CREBRF: variants seen among roughly 807,000 people sequenced by gnomAD.
The protein encoded by CREBRF is UPF0474 protein C5orf41.
Under a neutral mutation model 66.1 loss-of-function variants are expected in CREBRF, and 5 were observed. The ratio of observed to expected loss-of-function variants is 0.08; its 90% CI spans 0.04 to 0.16. The LOEUF (loss-of-function observed/expected upper bound fraction) is 0.16, where lower values mean the gene tolerates loss of function less well. Ranked by LOEUF, CREBRF falls within the 10% of genes least tolerant of loss-of-function variation. The pLI is 1.00. For synonymous variants in CREBRF, 229 were observed against 264.4 expected (o/e 0.87, Z 1.30); for missense variants, 531 against 744.9 (o/e 0.71, Z 3.34).
chr5:173,118,804 T>C (rs996899335), intron 7 of CREBRF, among the ~76,000 whole-genome samples: 6 of 149,738 alleles, frequency 4.0e-5, no homozygotes, highest in African/African-American at 1.5e-4. Context: ...CTTTGGGAGG[T>C]CAATTGGGAG....
rs767067188 is a variant in CREBRF, at chr5:173,123,159, C to T, written c.1761C>T (p.Pro587=). Residue 587 remains proline (P), a synonymous_variant, in exon 8 of 9, where the codon CCC becomes CCT. Coordinates refer to ENST00000296953, the MANE Select transcript of CREBRF (RefSeq NM_153607.3). ...AGAATCCAAGAGATGAGAGAGGACC[C>T]AACATGGGGCAGAAGCTTGAAATCC... The part of the protein sequence containing the change: ...RVQNPRDERG[P]NMGQKLEILI... 2 of 1,602,294 alleles carry T rather than the reference C, an allele frequency of 1.2e-6. No homozygotes were observed. The highest frequency in any genetic ancestry group is 1.7e-6 in the Non-Finnish European group (2 of 1,176,880).
chr5:173,068,835 G>C (rs1273229054), intron 1 of CREBRF, among the ~76,000 whole-genome samples: 1 of 151,902 alleles, frequency 6.6e-6, no homozygotes, highest in African/African-American at 2.4e-5. Flanking sequence ...TTGGGAGGCC[G>C]AGGCAGGCGA....
chr5:173,106,503 A>G (rs1348910615), intron 4 of CREBRF, among the ~76,000 whole-genome samples: 2 of 152,124 alleles, frequency 1.3e-5, no homozygotes, highest in Non-Finnish European at 2.9e-5. Context: ...CGTGTACACT[A>G]ATAAAATGCT....
At chr5:173,087,143 C>T (rs113449390) in intron 3 of CREBRF, among the ~76,000 whole-genome samples, 29 of 152,082 alleles carry the variant, frequency 1.9e-4, no homozygotes, top group Admixed American at 1.7e-3. Flanking sequence ...GACAGGGTGT[C>T]ACCACGTTGG....
intron 4 of CREBRF, among the ~76,000 whole-genome samples, chr5:173,094,198 T>A (rs1163455011): frequency 6.6e-6 from 1 of 152,160 alleles, no homozygotes; most frequent in Non-Finnish European, 1.5e-5. Context: ...GTTGGCCCCT[T>A]TGTTGATTCC....
At chr5:173,117,392 A>AT (rs777475908) in intron 7 of CREBRF, among the ~76,000 whole-genome samples, 572 of 47,952 alleles carry the variant, frequency 0.012, 2 homozygotes, top group Middle Eastern at 0.021. Flanking sequence ...AAAAAAAAAA[A>AT]AATAAGTAAG....
chr5:173,059,565 A>G (rs930727456), intron 1 of CREBRF, among the ~76,000 whole-genome samples: 1 of 152,174 alleles, frequency 6.6e-6, no homozygotes, highest in Non-Finnish European at 1.5e-5. Context: ...CGCCTGGCCT[A>G]TCAATTCTTA....
At chr5:173,064,963 C>T (rs1201756451) in intron 1 of CREBRF, among the ~76,000 whole-genome samples, 1 of 152,160 alleles carries the variant, frequency 6.6e-6, no homozygotes, top group East Asian at 1.9e-4. Context: ...CCTGCCTCAG[C>T]CTCCCAAAGT....
intron 7 of CREBRF, among the ~76,000 whole-genome samples, chr5:173,122,084 G>C (rs765639824): frequency 6.6e-6 from 1 of 152,112 alleles, no homozygotes; most frequent in South Asian, 2.1e-4. Flanking sequence ...TGTTGTTGTT[G>C]TTGTTGTTTG....
At position 173,086,256 on chromosome 5, in the gene CREBRF, C is replaced by A. The variant is rs1758142019; in HGVS notation, c.10-245C>A. 5.7e-6 allele frequency: 4 copies of A among 705,638 alleles called. No individual in the cohort carries two copies. The African/African-American group carries it at 7.0e-5, about 12-fold the overall frequency. The allele number at this position is 705,638 out of a possible 1,614,324, so 43.7% of individuals were successfully genotyped here. ...TTAAATATTTCAAATCTGATGTTGA[C>A]CTCAGCTTCTCCACTGGGGCATTGG... is the stretch of plus-strand genomic sequence containing the variant. On this transcript the variant is annotated intron_variant, in intron 2 of 8. Coordinates refer to ENST00000296953, the MANE Select transcript of CREBRF (RefSeq NM_153607.3).
intron 5 of CREBRF, chr5:173,110,199 C>A: frequency 2.6e-6 from 1 of 384,572 alleles, no homozygotes; most frequent in Non-Finnish European, 5.0e-6. Flanking sequence ...AACTCATACT[C>A]ATCCTGAGAT....
In CREBRF at chr5:173,091,018, A is replaced by G; in HGVS notation, c.839A>G (p.Glu280Gly). 1 of 1,614,168 alleles carries G rather than the reference A, an allele frequency of 6.2e-7. No homozygotes were observed. The highest frequency in any genetic ancestry group is 8.5e-7 in the Non-Finnish European group (1 of 1,180,020). ...AAGAGACAAGAGAAAAAAGGGATGG[A>G]GCCTCTTCAAGGTCATGCCACTCCC... ...VAKRQEKKGM[E>G]PLQGHATPAL... is the part of the protein sequence containing the mutation. Residue 280 changes from glutamate (E) to glycine (G), a missense_variant, in exon 4 of 9, where the codon GAG (glutamate) becomes GGG (glycine). By Grantham distance (98) the Glu-to-Gly change is moderately conservative (BLOSUM62 -2). Around this residue, in one of 5 missense-constraint regions of CREBRF, gnomAD observed 309 missense variants for 341.4 expected, o/e 0.90. Transcript: ENST00000296953.
At chr5:173,082,302 C>CGTGCCTGGCTGA (rs1757979040) in intron 2 of CREBRF, among the ~76,000 whole-genome samples, 1 of 151,494 alleles carries the variant, frequency 6.6e-6, no homozygotes, top group Admixed American at 6.6e-5. Context: ...CGTGAGCCAC[C>CGTGCCTGGCTGA]GTGCCTGGCC....
At chr5:173,062,917 T>C (rs1757320105) in intron 1 of CREBRF, among the ~76,000 whole-genome samples, 1 of 151,780 alleles carries the variant, frequency 6.6e-6, no homozygotes, top group Admixed American at 6.6e-5. Flanking sequence ...CCGGCTAATT[T>C]TTTGTATTTT....
rs113691493 is a variant in CREBRF at position 173,087,867 on chromosome 5, A to G, written c.135+1241A>G. 3.5e-3 allele frequency among the ~76,000 whole-genome samples: 531 copies of G among 152,192 alleles called. 2 individuals carry two copies. The highest frequency in any genetic ancestry group is 0.012 in the African/African-American group (491 of 41,540). ...GGGACGGAGTCTCGCTCTGTAGCCC[A>G]GGCTGGAGTGCAGTGGCACAGTCTC... On this transcript the variant is annotated intron_variant, in intron 3 of 8. Transcript: ENST00000296953.
chr5:173,087,126 T>C (rs1486841736), intron 3 of CREBRF, among the ~76,000 whole-genome samples: 1 of 152,052 alleles, frequency 6.6e-6, no homozygotes, highest in Non-Finnish European at 1.5e-5. Context: ...TTTGCATTTT[T>C]AGTAGGGACA....
intron 4 of CREBRF, among the ~76,000 whole-genome samples, chr5:173,098,570 T>G (rs1758535594): frequency 6.6e-6 from 1 of 152,218 alleles, no homozygotes; most frequent in South Asian, 2.1e-4. Flanking sequence ...AAAGAGTATA[T>G]ATTCTGCTGC....
In CREBRF at chr5:173,090,723, G is replaced by C. The variant is rs769556742; in HGVS notation, c.544G>C (p.Ala182Pro). Residue 182 changes from alanine to proline, a missense_variant, in exon 4 of 9, where the codon GCT becomes CCT. Physicochemically the swap from Ala to Pro is conservative, Grantham distance 27. Around this residue, in one of 5 missense-constraint regions of CREBRF, gnomAD observed 133 missense variants for 215.6 expected, o/e 0.62. Coordinates refer to ENST00000296953, the MANE Select transcript of CREBRF (RefSeq NM_153607.3). The surrounding 1 kb of genome is among the most constrained non-coding windows in gnomAD (Gnocchi z 4.5). ...FPGKKITSRA[A>P]APVCSSKTLQ... Reference sequence around the variant, plus strand: ...TGGTAAAAAGATCACAAGCAGAGCAGCTGCTCCTGTGTGTTCTTCTAAGAC... The same window carrying C: ...TGGTAAAAAGATCACAAGCAGAGCACCTGCTCCTGTGTGTTCTTCTAAGAC... 6.2e-7 allele frequency: 1 copy of C among 1,614,128 alleles called. No homozygotes were observed. Among genetic ancestry groups the C allele is most frequent in the Non-Finnish European group, 8.5e-7 (1 of 1,179,992 alleles).
rs1758443080 is a variant in CREBRF at position 173,095,043 on chromosome 5, C to T, written c.1222+3642C>T. Reference sequence around the variant, plus strand: ...ATAACCATTTATTGAAGAGACTATCCTTTACTTATTGTTGTTTCTGGCACC... The same window carrying T: ...ATAACCATTTATTGAAGAGACTATCTTTTACTTATTGTTGTTTCTGGCACC... On this transcript the variant is annotated intron_variant, in intron 4 of 8. Transcript: ENST00000296953. Among the ~76,000 whole-genome samples the T allele has an allele frequency of 2.0e-5, 3 of 152,096 alleles. No homozygotes were observed. The South Asian group carries it at 6.2e-4, about 32-fold the overall frequency.
Sources: gnomAD v4.1 joint callset for allele counts (sites outside exome capture counted in the v4.1 genomes callset) on GRCh38, gnomAD v4.1.1 for gene constraint, gnomAD v4.1.1 regional missense constraint, Gnocchi (gnomAD v3.1) non-coding constraint, MANE v1.5 for transcripts, NCBI Gene and HGNC (gene_info 2026-07-23, HGNC 2026-07-21) for gene names.